RELN: variants seen among roughly 807,000 people sequenced by gnomAD.
RELN encodes reelin.
Under a neutral mutation model 427.6 loss-of-function variants are expected in RELN, and 108 were observed. The observed-to-expected ratio is 0.25, with a 90% CI of 0.22 to 0.30. The LOEUF is 0.30. Among genes scored for constraint, RELN ranks in the 10% least tolerant of loss-of-function variants. The pLI is 1.00. For missense variants in RELN, 3,715 were observed against 4,302.8 expected (o/e 0.86, Z 3.82); for synonymous variants, 1,524 against 1,513.4 (o/e 1.01, Z -0.16).
intron 3 of RELN, among the ~76,000 whole-genome samples, chr7:103,780,138 G>A (rs1489743959): frequency 6.6e-6 from 1 of 152,140 alleles, no homozygotes; most frequent in Admixed American, 6.5e-5. Context: ...CATCATTTCC[G>A]TTGGAACTCT....
At chr7:103,740,774 G>A (rs1428131569) in intron 6 of RELN, among the ~76,000 whole-genome samples, 3 of 152,202 alleles carry the variant, frequency 2.0e-5, no homozygotes, top group Non-Finnish European at 4.4e-5. Flanking sequence ...CTCTAAGATT[G>A]TACAGACATA....
chr7:103,685,872 A>G (rs1453514723), intron 10 of RELN, among the ~76,000 whole-genome samples: 1 of 152,158 alleles, frequency 6.6e-6, no homozygotes, highest in Admixed American at 6.5e-5. Flanking sequence ...CATCAGTGCA[A>G]ATTCTTCAAT....
Position 103,952,876 on chromosome 7 carries a change from C to T in RELN, c.227-35691G>A, listed in dbSNP as rs377668837. Among the ~76,000 whole-genome samples the T allele has an allele frequency of 7.9e-5, 12 of 152,252 alleles. No individual in the cohort carries two copies. In the East Asian group the frequency reaches 1.9e-3, roughly 24 times the overall value. Reference sequence around the variant, plus strand: ...TTTTGAAAAAATGTCTTTTGCTTTTCGTTTTTAATTCCATCTTTACTAACC... The same window carrying T: ...TTTTGAAAAAATGTCTTTTGCTTTTTGTTTTTAATTCCATCTTTACTAACC... On this transcript the variant is annotated intron_variant, in intron 1 of 64. Transcript: ENST00000428762.
intron 2 of RELN, among the ~76,000 whole-genome samples, chr7:103,865,375 G>GAA: frequency 6.6e-6 from 1 of 151,938 alleles, no homozygotes; most frequent in Admixed American, 6.6e-5. Context: ...ATAAATTGAA[G>GAA]GGATACTTCC....
intron 8 of RELN, among the ~76,000 whole-genome samples, chr7:103,714,561 C>A (rs1430646690): frequency 2.6e-5 from 4 of 152,178 alleles, no homozygotes; most frequent in Admixed American, 2.6e-4. Flanking sequence ...TGTGCACATC[C>A]CACCATGCAG....
At chr7:103,844,992 A>G (rs1015709980) in intron 2 of RELN, among the ~76,000 whole-genome samples, 1 of 152,166 alleles carries the variant, frequency 6.6e-6, no homozygotes, top group Non-Finnish European at 1.5e-5. Flanking sequence ...AACTCCAGAA[A>G]CGCTCTGCAT....
At chr7:103,883,803 A>G (rs185162788) in intron 2 of RELN, among the ~76,000 whole-genome samples, 42 of 152,340 alleles carry the variant, frequency 2.8e-4, no homozygotes, top group African/African-American at 1.0e-3. Context: ...AAATGGATTA[A>G]CACTCCATGT....
chr7:103,710,980 G>C (rs923881541), intron 8 of RELN, among the ~76,000 whole-genome samples: 1 of 152,166 alleles, frequency 6.6e-6, no homozygotes, highest in African/African-American at 2.4e-5. Context: ...GGAGGCAAAG[G>C]TTGCAGTGAG....
At chr7:103,520,980 T>A (rs1411517586) in intron 48 of RELN, among the ~76,000 whole-genome samples, 4 of 129,992 alleles carry the variant, frequency 3.1e-5, no homozygotes, top group East Asian at 2.2e-4. Context: ...TTTTTTTTTT[T>A]TTTTTTTGAG....
chr7:103,912,242 C>A lies in RELN; in HGVS notation c.337+4833G>T, dbSNP rs185066800. 3.7e-4 allele frequency among the ~76,000 whole-genome samples: 56 copies of A among 151,288 alleles called. 1 individual carries two copies. In the East Asian group the frequency reaches 9.8e-3, roughly 26 times the overall value. ...ACAGAGTCTTGCACTGTTGCCCAGG[C>A]TGGAGTGCAATGGTGTGATCTCGGC... On this transcript the variant is annotated intron_variant, in intron 2 of 64. Coordinates refer to ENST00000428762, the MANE Select transcript of RELN (RefSeq NM_005045.4).
At chr7:103,554,316 C>T (rs967562563) in intron 38 of RELN, among the ~76,000 whole-genome samples, 4 of 152,008 alleles carry the variant, frequency 2.6e-5, no homozygotes, top group Non-Finnish European at 5.9e-5. Flanking sequence ...GTGGCTCACG[C>T]CTGTAATCCC....
intron 4 of RELN, among the ~76,000 whole-genome samples, chr7:103,768,479 T>C (rs747007845): frequency 2.2e-4 from 34 of 152,308 alleles, no homozygotes; most frequent in Non-Finnish European, 4.3e-4. Flanking sequence ...GGTACATGTA[T>C]TTTACAACCA....
At chr7:103,753,449 A>G (rs1365397385) in intron 4 of RELN, among the ~76,000 whole-genome samples, 1 of 152,242 alleles carries the variant, frequency 6.6e-6, no homozygotes, top group African/African-American at 2.4e-5. Context: ...AGAGTTTTGC[A>G]AAGATTCACT....
chr7:103,956,626 T>A (rs570961581), intron 1 of RELN, among the ~76,000 whole-genome samples: 6 of 152,278 alleles, frequency 3.9e-5, no homozygotes, highest in African/African-American at 1.4e-4. Context: ...GGAGAAGATG[T>A]AAAAGTGTAT....
chr7:103,966,460 C>G (rs954303880), intron 1 of RELN, among the ~76,000 whole-genome samples: 5 of 152,186 alleles, frequency 3.3e-5, no homozygotes, highest in African/African-American at 1.2e-4. Context: ...CATGTAAACT[C>G]CACACAGAGG....
intron 27 of RELN, among the ~76,000 whole-genome samples, chr7:103,593,424 T>C (rs1363731875): frequency 6.6e-6 from 1 of 152,208 alleles, no homozygotes; most frequent in African/African-American, 2.4e-5. Flanking sequence ...AAGTCAATTT[T>C]ATTTTTAATT....
rs182326925 is a variant in RELN at position 103,582,554 on chromosome 7, C to G, written c.4146-6849G>C. Among the ~76,000 whole-genome samples the G allele has an allele frequency of 7.2e-4, 109 of 152,292 alleles. 1 individual carries two copies. The highest frequency in any genetic ancestry group is 8.2e-4 in the Non-Finnish European group (56 of 68,016). Reference sequence around the variant, plus strand: ...TTAAAGATTATGTTTCAAAGTTTAACAGATCACAGAAACTGGTACATCCTT... The same window carrying G: ...TTAAAGATTATGTTTCAAAGTTTAAGAGATCACAGAAACTGGTACATCCTT... On this transcript the variant is annotated intron_variant, in intron 28 of 64. Coordinates refer to ENST00000428762, the MANE Select transcript of RELN (RefSeq NM_005045.4).
At chr7:103,846,234 T>C (rs1793673733) in intron 2 of RELN, among the ~76,000 whole-genome samples, 2 of 152,052 alleles carry the variant, frequency 1.3e-5, no homozygotes, top group South Asian at 4.1e-4. Flanking sequence ...AAAACAGATA[T>C]ACAGACCAAT....
intron 2 of RELN, among the ~76,000 whole-genome samples, chr7:103,861,035 A>C (rs771161342): frequency 5.3e-5 from 8 of 152,200 alleles, no homozygotes; most frequent in Non-Finnish European, 1.0e-4. Flanking sequence ...ACAGAAGATA[A>C]TTGCCAATTT....
Sources: gnomAD v4.1 joint callset for allele counts (sites outside exome capture counted in the v4.1 genomes callset) on GRCh38, gnomAD v4.1.1 for gene constraint, MANE v1.5 for transcripts, NCBI Gene and HGNC (gene_info 2026-07-23, HGNC 2026-07-21) for gene names.